Variants in TENM2 observed in about 807,000 individuals in gnomAD.
TENM2 encodes the protein teneurin transmembrane protein 2, also known as teneurin-2.
TENM2 carries 52 observed loss-of-function variants against 245.2 expected under a neutral mutation model. The observed-to-expected ratio is 0.21, with a 90% CI of 0.17 to 0.27. TENM2 has a LOEUF of 0.27. Among genes scored for constraint, TENM2 ranks in the 10% least tolerant of loss-of-function variants. The pLI, the probability that TENM2 is intolerant of heterozygous loss-of-function variation, is 1.00. For synonymous variants in TENM2, 1,363 were observed against 1,438.9 expected (o/e 0.95, Z 1.19); for missense variants, 3,046 against 3,666.8 (o/e 0.83, Z 4.37).
At chr5:168,111,644 A>G (rs984427300) in intron 9 of TENM2, among the ~76,000 whole-genome samples, 2 of 152,144 alleles carry the variant, frequency 1.3e-5, no homozygotes, top group Admixed American at 6.6e-5. Context: ...CTGCTTGGGC[A>G]CGGTGAGCCA....
intron 25 of TENM2, chr5:168,230,786 G>T (rs1294680897): frequency 6.6e-6 from 1 of 152,158 alleles, no homozygotes; most frequent in Non-Finnish European, 1.5e-5. Flanking sequence ...AAGAAAACTG[G>T]GTGGCACCGA....
intron 2 of TENM2, among the ~76,000 whole-genome samples, chr5:167,799,815 T>C (rs940996968): frequency 2.0e-5 from 3 of 152,202 alleles, no homozygotes; most frequent in African/African-American, 7.2e-5. Flanking sequence ...CCAGTCTAAA[T>C]ACATTATCTA....
intron 2 of TENM2, among the ~76,000 whole-genome samples, chr5:167,489,504 C>A (rs1283247549): frequency 2.0e-5 from 3 of 152,170 alleles, no homozygotes; most frequent in Non-Finnish European, 4.4e-5. Flanking sequence ...TTCTGACCAA[C>A]ATATTTACAA....
intron 2 of TENM2, among the ~76,000 whole-genome samples, chr5:167,518,980 G>GT (rs1234720892): frequency 6.6e-6 from 1 of 152,086 alleles, no homozygotes; most frequent in African/African-American, 2.4e-5. Context: ...CTTACTTCTT[G>GT]TAAGTTTTAT....
At chr5:167,284,327 T>C (rs903232856), upstream of TENM2, among the ~76,000 whole-genome samples, 2 of 152,214 alleles carry the variant, frequency 1.3e-5, no homozygotes, top group Non-Finnish European at 2.9e-5. Context: ...TGCTGCACCT[T>C]TCTTTGCCTT....
intron 9 of TENM2, among the ~76,000 whole-genome samples, chr5:168,114,945 C>T (rs1263392970): frequency 6.6e-6 from 1 of 152,102 alleles, no homozygotes; most frequent in Non-Finnish European, 1.5e-5. Context: ...CTAGACAATC[C>T]TGTTTTTTTC....
the TENM2 span, among the ~76,000 whole-genome samples, chr5:167,166,018 T>C: frequency 6.6e-6 from 1 of 152,236 alleles, no homozygotes; most frequent in Non-Finnish European, 1.5e-5. Context: ...TGAATATTCA[T>C]ATATTCTCAT....
the TENM2 span, among the ~76,000 whole-genome samples, chr5:167,087,541 C>T: frequency 6.6e-6 from 1 of 152,194 alleles, no homozygotes. Flanking sequence ...GCAGGAACTT[C>T]CTCTGACTTG....
chr5:167,153,299 T>C, the TENM2 span, among the ~76,000 whole-genome samples: 1 of 151,974 alleles, frequency 6.6e-6, no homozygotes, highest in African/African-American at 2.4e-5. Context: ...ATGTTATATA[T>C]ATTATATACT....
chr5:167,463,778 G>A (rs1336446293), intron 2 of TENM2, among the ~76,000 whole-genome samples: 1 of 152,210 alleles, frequency 6.6e-6, no homozygotes, highest in African/African-American at 2.4e-5. Flanking sequence ...TTACAGGCAT[G>A]AGCCACTGCG....
At chr5:168,150,781 G>A (rs755461737) in intron 12 of TENM2, among the ~76,000 whole-genome samples, 57 of 152,276 alleles carry the variant, frequency 3.7e-4, no homozygotes, top group African/African-American at 1.1e-3. Flanking sequence ...CTAGGGGGGC[G>A]CAAAGTGCAT....
intron 2 of TENM2, among the ~76,000 whole-genome samples, chr5:167,429,605 CTCTTTTTTTTTTTTT>C (rs1324187403): frequency 1.5e-5 from 2 of 132,254 alleles, no homozygotes; most frequent in African/African-American, 3.0e-5. Context: ...CTCTCTCTCT[CTCTTTTTTTTTTTTT>C]TTTTTTTTTG....
At chr5:167,647,764 T>C (rs1238665124) in intron 2 of TENM2, among the ~76,000 whole-genome samples, 1 of 152,218 alleles carries the variant, frequency 6.6e-6, no homozygotes, top group Non-Finnish European at 1.5e-5. Context: ...CCCCATGATC[T>C]GACCCCCATC....
At chr5:167,434,235 C>G (rs1292530486) in intron 2 of TENM2, among the ~76,000 whole-genome samples, 3 of 151,728 alleles carry the variant, frequency 2.0e-5, no homozygotes, top group African/African-American at 7.3e-5. Context: ...GCCTGGCCAA[C>G]ATGGAGAAAC....
chr5:168,043,564 T>C (rs74617091), intron 5 of TENM2, among the ~76,000 whole-genome samples: 54 of 152,368 alleles, frequency 3.5e-4, no homozygotes, highest in African/African-American at 1.2e-3. Context: ...CCTAAAGGGA[T>C]GCACAGAGAT....
chr5:167,168,125 T>C, the TENM2 span: 1 of 152,252 alleles, frequency 6.6e-6, no homozygotes, highest in Non-Finnish European at 1.5e-5. Context: ...ATAGGTGTTC[T>C]GAAAAATCTT....
chr5:167,609,515 A>AAAAAAAAAAAAAAAAAG (rs1582533515), intron 2 of TENM2, among the ~76,000 whole-genome samples: 1 of 87,764 alleles, frequency 1.1e-5, no homozygotes, highest in African/African-American at 3.2e-5. Context: ...AAAAAAAACA[A>AAAAAAAAAAAAAAAAAG]AACCTTACCT....
At chr5:167,368,956 A>G (rs970994774) in intron 1 of TENM2, among the ~76,000 whole-genome samples, 3 of 152,164 alleles carry the variant, frequency 2.0e-5, no homozygotes, top group African/African-American at 7.2e-5. Context: ...GGCTGGGGAT[A>G]AAAGTCCGGG....
chr5:167,547,086 A>C (rs1396546306), intron 2 of TENM2, among the ~76,000 whole-genome samples: 1 of 152,018 alleles, frequency 6.6e-6, no homozygotes, highest in Admixed American at 6.6e-5. Flanking sequence ...GTGGAATCTT[A>C]TTATTATTAT....
Sources: allele counts gnomAD v4.1 joint callset (sites outside exome capture counted in the v4.1 genomes callset), GRCh38; gene constraint gnomAD v4.1.1; transcripts MANE v1.5; gene names NCBI Gene and HGNC (gene_info 2026-07-23, HGNC 2026-07-21).